The following SIN3A variants were observed in gnomAD, a reference collection of about 807,000 sequenced individuals.
The protein encoded by SIN3A is SIN3 transcription regulator family member A, also known as paired amphipathic helix protein Sin3a.
SIN3A carries 14 observed loss-of-function variants against 146.1 expected under a neutral mutation model. That is an observed-to-expected ratio of 0.10 (90% CI 0.06 to 0.15). The LOEUF is 0.15. Among genes scored for constraint, SIN3A ranks in the 10% least tolerant of loss-of-function variants. The pLI, the probability that SIN3A is intolerant of heterozygous loss-of-function variation, is 1.00. For synonymous variants in SIN3A, 572 were observed against 572.0 expected (o/e 1.00, Z 0.00); for missense variants, 1,028 against 1,576.0 (o/e 0.65, Z 5.89).
chr15:75,433,277 G>T (rs1027275853), intron 1 of SIN3A, among the ~76,000 whole-genome samples: 4 of 152,116 alleles, frequency 2.6e-5, no homozygotes, highest in Non-Finnish European at 4.4e-5. Context: ...GCAAAAGGAG[G>T]GGATCAGCCT....
chr15:75,410,370 T>C (rs764770792), intron 6 of SIN3A, 84 bp from the exon 7 acceptor site: 86 of 1,350,176 alleles, frequency 6.4e-5, no homozygotes, highest in African/African-American at 1.3e-4. Context: ...ATCACTGTTA[T>C]CTATTTAGGC....
chr15:75,426,941 T>G (rs1487711190), intron 2 of SIN3A, among the ~76,000 whole-genome samples: 1 of 151,362 alleles, frequency 6.6e-6, no homozygotes, highest in Admixed American at 6.6e-5. Context: ...AAAAAAAAAG[T>G]AAATTTAGAT....
intron 13 of SIN3A, among the ~76,000 whole-genome samples, 197 bp downstream of exon 13, chr15:75,396,061 C>G (rs549559682): frequency 6.6e-6 from 1 of 152,134 alleles, no homozygotes; most frequent in Admixed American, 6.5e-5. Flanking sequence ...CATGAACTTA[C>G]AAGATTTGTT....
intron 3 of SIN3A, among the ~76,000 whole-genome samples, chr15:75,418,823 C>T (rs1389357284): frequency 2.0e-5 from 3 of 152,062 alleles, no homozygotes; most frequent in Admixed American, 6.6e-5. Flanking sequence ...GGCGCTTTCC[C>T]GGCTCACCGC....
At chr15:75,434,706 T>C (rs2074074168) in intron 1 of SIN3A, among the ~76,000 whole-genome samples, 1 of 151,036 alleles carries the variant, frequency 6.6e-6, no homozygotes, top group African/African-American at 2.4e-5. Context: ...CCTAACACTT[T>C]GGTTCGCCGA....
At chr15:75,390,168 A>C (rs997480316) in intron 15 of SIN3A, among the ~76,000 whole-genome samples, 2 of 152,280 alleles carry the variant, frequency 1.3e-5, no homozygotes, top group East Asian at 1.9e-4. Flanking sequence ...TGAGAGAGGA[A>C]CCTACTCTCC....
intron 14 of SIN3A, among the ~76,000 whole-genome samples, chr15:75,394,250 C>T (rs2073262109): frequency 6.6e-6 from 1 of 152,228 alleles, no homozygotes; most frequent in Non-Finnish European, 1.5e-5. Context: ...ATTGCTTATT[C>T]ATCTCTGATC....
rs1004812975 is a variant in SIN3A at position 75,425,528 on chromosome 15, T to A, written c.190-2705A>T. Among the ~76,000 whole-genome samples, 68 of 152,160 alleles carry A rather than the reference T, an allele frequency of 4.5e-4. 1 individual carries two copies. The highest frequency in any genetic ancestry group is 8.3e-4 in the South Asian group (4 of 4,824). ...AGCACTGTATCTAATGTAAAATAAA[T>A]TTTTTCCCCCTAATTCTTGATGGTT... On this transcript the variant is annotated intron_variant, in intron 2 of 20. Coordinates refer to ENST00000394947, the MANE Select transcript of SIN3A (RefSeq NM_001145358.2).
chr15:75,372,968 T>C (rs569468957), intron 20 of SIN3A, among the ~76,000 whole-genome samples: 1 of 152,222 alleles, frequency 6.6e-6, no homozygotes, highest in South Asian at 2.1e-4. Flanking sequence ...AGCATGGAGA[T>C]CCACCTCTAA....
intron 3 of SIN3A, among the ~76,000 whole-genome samples, chr15:75,417,687 A>G (rs993763074): frequency 6.6e-6 from 1 of 152,000 alleles, no homozygotes; most frequent in African/African-American, 2.4e-5. Flanking sequence ...CCAGGCATAG[A>G]TAGTCTTTTG....
chr15:75,435,721 A>G (rs900904410), intron 1 of SIN3A, among the ~76,000 whole-genome samples: 5 of 151,864 alleles, frequency 3.3e-5, no homozygotes, highest in Non-Finnish European at 5.9e-5. Flanking sequence ...AAAAAGAAGA[A>G]GAAAACAGTA....
rs559026144 is a variant in SIN3A at position 75,396,517 on chromosome 15, G to C, written c.1855-21C>G. 50 of 1,560,962 alleles carry C rather than the reference G, an allele frequency of 3.2e-5. No homozygotes were observed. The South Asian group carries it at 5.2e-4, about 16-fold the overall frequency. On this transcript the variant is annotated intron_variant, in intron 12 of 20. Transcript: ENST00000394947. Reference sequence around the variant, plus strand: ...TCAAGCTGAAGAGGAAGACAAAGAAGGGTATGCTCAGGACCCAAATCAAAA... The same window carrying C: ...TCAAGCTGAAGAGGAAGACAAAGAACGGTATGCTCAGGACCCAAATCAAAA...
intron 19 of SIN3A, 21 bp downstream of exon 19, chr15:75,380,608 C>T: frequency 6.4e-7 from 1 of 1,563,302 alleles, no homozygotes; most frequent in Non-Finnish European, 8.8e-7. Flanking sequence ...GGACTGCTGA[C>T]AGATGACATG....
At chr15:75,409,233 G>A (rs1339656626) in intron 8 of SIN3A, among the ~76,000 whole-genome samples, 1 of 151,804 alleles carries the variant, frequency 6.6e-6, no homozygotes, top group East Asian at 1.9e-4. Flanking sequence ...AAAATTTCAA[G>A]TATTGGAAAT....
At chr15:75,440,398 A>G (rs563935066) in intron 1 of SIN3A, among the ~76,000 whole-genome samples, 1 of 151,608 alleles carries the variant, frequency 6.6e-6, no homozygotes, top group East Asian at 2.0e-4. Context: ...CACCTGGCTA[A>G]TTTTTGTATT....
chr15:75,380,535 A>C lies in SIN3A; in HGVS notation c.3383+94T>G, dbSNP rs879588968. On this transcript the variant is annotated intron_variant, in intron 19 of 20. Transcript: ENST00000394947. ...CCCAGCAGATAGAACAAATGAATAAAATATGTGAAGGCCAAGAACGTGAAA... is the reference window on the plus strand; with the variant it reads ...CCCAGCAGATAGAACAAATGAATAACATATGTGAAGGCCAAGAACGTGAAA... 6 of 945,040 alleles carry C rather than the reference A, an allele frequency of 6.3e-6. No individual in the cohort carries two copies. In the Admixed American group the frequency reaches 9.2e-5, roughly 14 times the overall value. The allele number at this position is 945,040 out of a possible 1,614,324, so 58.5% of individuals were successfully genotyped here.
intron 15 of SIN3A, among the ~76,000 whole-genome samples, chr15:75,391,792 A>T (rs1490214218): frequency 6.6e-6 from 1 of 152,168 alleles, no homozygotes; most frequent in Admixed American, 6.5e-5. Flanking sequence ...ATTTCTACAT[A>T]TTAAGAATGA....
At chr15:75,443,279 AT>A (rs1218581394) in intron 1 of SIN3A, among the ~76,000 whole-genome samples, 1 of 152,210 alleles carries the variant, frequency 6.6e-6, no homozygotes, top group Non-Finnish European at 1.5e-5. Context: ...AAAACTATGG[AT>A]TTTTAAATAT....
intron 2 of SIN3A, among the ~76,000 whole-genome samples, chr15:75,423,553 C>T (rs1275286643): frequency 1.3e-5 from 2 of 152,068 alleles, no homozygotes; most frequent in Non-Finnish European, 2.9e-5. Context: ...TGGCGGGCAC[C>T]TACAGTCCCA....
Sources: allele counts gnomAD v4.1 joint callset (sites outside exome capture counted in the v4.1 genomes callset), GRCh38; gene constraint gnomAD v4.1.1; transcripts MANE v1.5; gene names NCBI Gene and HGNC (gene_info 2026-07-23, HGNC 2026-07-21).